Variants in COQ5 observed in about 807,000 individuals in gnomAD.
The protein encoded by COQ5 is 2-methoxy-6-polyprenyl-1,4-benzoquinol methylase, mitochondrial.
In COQ5, 27 loss-of-function variants were observed where a neutral mutation model predicts 40.5. That is an observed-to-expected ratio of 0.67 (90% confidence interval 0.49 to 0.92). The LOEUF (loss-of-function observed/expected upper bound fraction) is 0.92, where lower values mean the gene tolerates loss of function less well. Among genes scored for constraint, COQ5 ranks in the 40% least tolerant of loss-of-function variants. The pLI, the probability that COQ5 is intolerant of heterozygous loss-of-function variation, is 0.00. For missense variants in COQ5, 409 were observed against 406.4 expected (o/e 1.01, Z -0.06); for synonymous variants, 141 against 150.0 (o/e 0.94, Z 0.44).
chr12:120,522,960 C>A, intron 1 of COQ5: 1 of 603,076 alleles, frequency 1.7e-6, no homozygotes, highest in Non-Finnish European at 2.9e-6. Flanking sequence ...CTTTTTTAGG[C>A]CTTTCTTGTT....
intron 2 of COQ5, among the ~76,000 whole-genome samples, chr12:120,517,437 G>A (rs535734257): frequency 1.3e-5 from 2 of 151,468 alleles, no homozygotes; most frequent in African/African-American, 2.4e-5. Context: ...TCGGGAGGCC[G>A]AGGCGGTTGG....
chr12:120,521,055 T>C (rs1869622561), intron 2 of COQ5, among the ~76,000 whole-genome samples: 1 of 149,652 alleles, frequency 6.7e-6, no homozygotes, highest in African/African-American at 2.5e-5. Context: ...TTTTCCTTTG[T>C]AATCCTGCGT....
intron 2 of COQ5, among the ~76,000 whole-genome samples, chr12:120,520,219 C>T (rs1869579662): frequency 6.6e-6 from 1 of 151,938 alleles, no homozygotes; most frequent in African/African-American, 2.4e-5. Flanking sequence ...TCTCGGCTCA[C>T]TGCAACCTCT....
rs535520757 is a variant in COQ5 at position 120,506,982 on chromosome 12, C to T, written c.682-1999G>A. 6.7e-4 allele frequency among the ~76,000 whole-genome samples: 101 copies of T among 151,814 alleles called. 1 individual carries two copies. The highest frequency in any genetic ancestry group is 2.1e-3 in the African/African-American group (89 of 41,430). On this transcript the variant is annotated intron_variant, in intron 4 of 6. Coordinates refer to ENST00000288532, the MANE Select transcript of COQ5 (RefSeq NM_032314.4). ...CCAAGTAGCTGGGATTACAGATGCC[C>T]GCCACCATGCCTGGCTAATTTTTGT...
chr12:120,518,409 A>G (rs1183946303), intron 2 of COQ5, among the ~76,000 whole-genome samples: 1 of 149,696 alleles, frequency 6.7e-6, no homozygotes, highest in Admixed American at 6.7e-5. Context: ...AGCCTGGCGA[A>G]AGTGCAAGAC....
chr12:120,525,735 T>C (rs544827528), intron 1 of COQ5, among the ~76,000 whole-genome samples: 1 of 151,854 alleles, frequency 6.6e-6, no homozygotes, highest in Non-Finnish European at 1.5e-5. Context: ...CCATCCTAGC[T>C]AACACAGTGA....
Position 120,525,940 on chromosome 12 carries a change from AAAT to A in COQ5, c.202+2997_202+2999del, listed in dbSNP as rs1869920924. On this transcript the variant is annotated intron_variant, in intron 1 of 6. Transcript: ENST00000288532. ...ACTCCATCTCCAAAAAAATAAATAT[AAAT>A]AAATAAATAAATAAGCAAATAGTCC... Among the ~76,000 whole-genome samples the A allele has an allele frequency of 2.6e-5, 4 of 152,282 alleles. No homozygotes were observed. The South Asian group carries it at 6.2e-4, about 24-fold the overall frequency.
intron 2 of COQ5, among the ~76,000 whole-genome samples, chr12:120,518,406 C>T (rs866354733): frequency 7.7e-6 from 1 of 130,422 alleles, no homozygotes; most frequent in South Asian, 2.3e-4. Flanking sequence ...TCCAGCCTGG[C>T]GAAAGTGCAA....
chr12:120,507,903 A>G (rs1253732390), intron 4 of COQ5, among the ~76,000 whole-genome samples: 5 of 151,422 alleles, frequency 3.3e-5, no homozygotes, highest in Non-Finnish European at 7.4e-5. Context: ...TAATAATAAT[A>G]ATAAAATAAA....
rs1246815124 is a variant in COQ5 at position 120,517,044 on chromosome 12, C to G, written c.353-256G>C. 2.8e-5 allele frequency among the ~76,000 whole-genome samples: 4 copies of G among 141,402 alleles called. No homozygotes were observed. In the South Asian group the frequency reaches 7.0e-4, roughly 25 times the overall value. The allele number at this position is 141,402 out of a possible 152,430, so 92.8% of individuals were successfully genotyped here. ...GTGGAAGTTTCTACTCATTTCAACA[C>G]TAACTTTTTTTTTTAATTAAAGAAA... On this transcript the variant is annotated intron_variant, in intron 2 of 6. Transcript: ENST00000288532.
intron 1 of COQ5, among the ~76,000 whole-genome samples, chr12:120,526,725 T>TTTTTTTG (rs1869966205): frequency 1.1e-5 from 1 of 90,038 alleles, no homozygotes; most frequent in Non-Finnish European, 2.4e-5. Flanking sequence ...TTTTTTTTTT[T>TTTTTTTG]TTTTTTTGAG....
intron 4 of COQ5, among the ~76,000 whole-genome samples, chr12:120,508,364 G>A (rs1178872548): frequency 2.0e-5 from 3 of 151,864 alleles, no homozygotes; most frequent in South Asian, 2.1e-4. Flanking sequence ...TCCAGCCTGG[G>A]TGACAGAGTG....
chr12:120,527,490 T>C (rs1402315873), intron 1 of COQ5: 3 of 152,196 alleles, frequency 2.0e-5, no homozygotes, highest in African/African-American at 7.2e-5. Flanking sequence ...AATTCTAATT[T>C]TTCCCATTGA....
At chr12:120,519,714 T>C (rs7302996) in intron 2 of COQ5, among the ~76,000 whole-genome samples, 4,720 of 151,762 alleles carry the variant, frequency 0.031, 240 homozygotes, top group African/African-American at 0.11. Context: ...CTACTAAAAA[T>C]ACAAAATTAG....
chr12:120,506,370 T>G (rs952099053), intron 4 of COQ5, among the ~76,000 whole-genome samples: 1 of 141,396 alleles, frequency 7.1e-6, no homozygotes, highest in South Asian at 2.2e-4. Flanking sequence ...CTGTTTAAAA[T>G]TTTTTTTTTT....
In COQ5 at chr12:120,528,961, C is replaced by T. The variant is rs1242725901; in HGVS notation, c.181G>A (p.Glu61Lys). The change falls in exon 1 of 7, where the codon GAA becomes AAA. Residue 61 changes from glutamate (E) to lysine (K), a missense_variant. Physicochemically the swap from Glu to Lys is moderately conservative, Grantham distance 56. Coordinates refer to ENST00000288532, the MANE Select transcript of COQ5 (RefSeq NM_032314.4). Reference sequence around the variant, plus strand: ...TCACCTTTGCCCCCCTTCTCCTCTTCCGACACAGTCTCAAACCCAAAGTGC... The same window carrying T: ...TCACCTTTGCCCCCCTTCTCCTCTTTCGACACAGTCTCAAACCCAAAGTGC... ...ETHFGFETVS[E>K]EEKGGKVYQV... is the part of the protein sequence containing the mutation. 1.1e-5 allele frequency: 17 copies of T among 1,614,070 alleles called. No individual in the cohort carries two copies. The highest frequency in any genetic ancestry group is 1.4e-5 in the Non-Finnish European group (16 of 1,180,044).
intron 4 of COQ5, among the ~76,000 whole-genome samples, chr12:120,508,381 C>T (rs527516705): frequency 8.3e-4 from 125 of 151,494 alleles, no homozygotes; most frequent in Admixed American, 1.8e-3. Flanking sequence ...AGTGAGAGTC[C>T]GTCTCCAAAC....
chr12:120,518,331 G>A (rs1335105404), intron 2 of COQ5, among the ~76,000 whole-genome samples: 3 of 149,960 alleles, frequency 2.0e-5, no homozygotes, highest in Non-Finnish European at 3.0e-5. Context: ...GGGAGGCTGA[G>A]ATGGGAAGAT....
chr12:120,525,332 C>T (rs560307476), intron 1 of COQ5, among the ~76,000 whole-genome samples: 1 of 152,032 alleles, frequency 6.6e-6, no homozygotes, highest in African/African-American at 2.4e-5. Flanking sequence ...CTCCTGACCT[C>T]ATGATCTGCC....
Sources: gnomAD v4.1 joint callset for allele counts (sites outside exome capture counted in the v4.1 genomes callset) on GRCh38, gnomAD v4.1.1 for gene constraint, MANE v1.5 for transcripts, NCBI Gene and HGNC (gene_info 2026-07-23, HGNC 2026-07-21) for gene names.